DGKH: variants seen among roughly 807,000 people sequenced by gnomAD.
The protein encoded by DGKH is diacylglycerol kinase eta, also known as DAG kinase eta.
Under a neutral mutation model 159.3 loss-of-function variants are expected in DGKH, and 90 were observed. That is an observed-to-expected ratio of 0.57 (90% CI 0.48 to 0.67). The LOEUF (loss-of-function observed/expected upper bound fraction) is 0.67. DGKH is among the 30% of genes least tolerant of loss of function. The pLI is 0.00. For missense variants in DGKH, 1,181 were observed against 1,506.1 expected, an observed-to-expected ratio of 0.78 and a Z score of 3.57; for synonymous variants, 536 against 553.8, an observed-to-expected ratio of 0.97 and a Z score of 0.45.
At chr13:42,227,063 A>C (rs1314044312) in intron 29 of DGKH, among the ~76,000 whole-genome samples, 1 of 152,178 alleles carries the variant, frequency 6.6e-6, no homozygotes, top group Non-Finnish European at 1.5e-5. Flanking sequence ...CAATGAGAAC[A>C]CATAGACACA....
At chr13:42,186,914 G>T (rs1956943928) in intron 13 of DGKH, 135 bp from the exon 14 acceptor site, 2 of 690,402 alleles carry the variant, frequency 2.9e-6, no homozygotes, top group Non-Finnish European at 4.9e-6. Flanking sequence ...ACAGCAGATA[G>T]AAGCATAGAT....
At chr13:42,069,888 C>A in intron 1 of DGKH, 2 of 736,386 alleles carry the variant, frequency 2.7e-6, no homozygotes, top group South Asian at 1.8e-5. Flanking sequence ...GATCTCCATC[C>A]AAATAATTTC....
Position 42,249,427 on chromosome 13 carries a change from CAAACAAAAATACTGATTGT to C in DGKH, n.4055-2963_4055-2945del, listed in dbSNP as rs1279194548. 5.9e-5 allele frequency among the ~76,000 whole-genome samples: 9 copies of C among 152,034 alleles called. No homozygotes were observed. The East Asian group carries it at 1.2e-3, about 20-fold the overall frequency. On this transcript the variant is annotated intron_variant and non_coding_transcript_variant, in intron 29 of 30. Coordinates refer to the DGKH transcript ENST00000498255. ...CTCTGTCTCCAAACAAACAAACAAA[CAAACAAAAATACTGATTGT>C]AAACAAAAATACTGATTGCAACCTA...
intron 1 of DGKH, among the ~76,000 whole-genome samples, chr13:42,103,417 C>T (rs1338875339): frequency 6.6e-6 from 1 of 152,098 alleles, no homozygotes; most frequent in Non-Finnish European, 1.5e-5. Flanking sequence ...TGTTAGGATG[C>T]TGCAGTTAAC....
intron 1 of DGKH, among the ~76,000 whole-genome samples, chr13:42,062,875 C>T (rs926226812): frequency 1.3e-5 from 2 of 151,610 alleles, no homozygotes; most frequent in Non-Finnish European, 2.9e-5. Flanking sequence ...AGTGTAGAAT[C>T]TCAGGTTATC....
chr13:42,164,493 C>A (rs1956266386), intron 7 of DGKH, among the ~76,000 whole-genome samples: 2 of 152,124 alleles, frequency 1.3e-5, no homozygotes, highest in South Asian at 4.1e-4. Flanking sequence ...TTGATAAATA[C>A]AGGTTTAATT....
intron 21 of DGKH, among the ~76,000 whole-genome samples, chr13:42,207,023 CTT>C (rs374791816): frequency 0.015 from 715 of 48,522 alleles, 16 homozygotes; most frequent in African/African-American, 0.024. Flanking sequence ...TTCTTTCTTT[CTT>C]TTTCTTTCTT....
chr13:42,106,085 G>A (rs1184417004), intron 1 of DGKH, among the ~76,000 whole-genome samples: 2 of 151,762 alleles, frequency 1.3e-5, no homozygotes, highest in Non-Finnish European at 2.9e-5. Context: ...TTGGCTCACT[G>A]CAACCTTCGC....
chr13:42,128,194 AAAT>A (rs1955211161), intron 2 of DGKH, among the ~76,000 whole-genome samples: 1 of 152,240 alleles, frequency 6.6e-6, no homozygotes, highest in African/African-American at 2.4e-5. Flanking sequence ...CCATTGAATC[AAAT>A]AATAATAATA....
intron 17 of DGKH, among the ~76,000 whole-genome samples, chr13:42,195,218 C>T (rs142743788): frequency 7.8e-4 from 119 of 152,144 alleles, no homozygotes; most frequent in African/African-American, 2.8e-3. Context: ...ACACTTGTTT[C>T]GGCCAGGTGC....
intron 1 of DGKH, among the ~76,000 whole-genome samples, chr13:42,120,318 C>G (rs1955044433): frequency 6.6e-6 from 1 of 152,132 alleles, no homozygotes; most frequent in African/African-American, 2.4e-5. Context: ...GTAAGCTTTT[C>G]ATTTTTATAA....
chr13:42,219,856 A>G, intron 28 of DGKH, 62 bp downstream of exon 28: 2 of 1,452,340 alleles, frequency 1.4e-6, no homozygotes, highest in African/African-American at 1.4e-5. Context: ...TTAAAGTGAC[A>G]TCATGGAGGT....
intron 1 of DGKH, among the ~76,000 whole-genome samples, chr13:42,079,587 C>T (rs1954162859): frequency 6.6e-6 from 1 of 152,024 alleles, no homozygotes; most frequent in Admixed American, 6.6e-5. Context: ...TTTTTTTGCT[C>T]TTCACCCCCA....
chr13:42,208,889 G>T (rs1957570207), intron 21 of DGKH, 70 bp from the exon 22 acceptor site: 2 of 599,832 alleles, frequency 3.3e-6, no homozygotes, highest in African/African-American at 1.9e-5. Context: ...GATATATATT[G>T]CAGTTTACAT....
intron 24 of DGKH, 94 bp from the exon 25 acceptor site, chr13:42,214,413 T>C: frequency 8.4e-7 from 1 of 1,186,470 alleles, no homozygotes; most frequent in Non-Finnish European, 1.2e-6. Flanking sequence ...TTCATATATT[T>C]TTTACTTGTT....
At chr13:42,248,391 A>T (rs1958596436) in intron 29 of DGKH, among the ~76,000 whole-genome samples, 1 of 151,076 alleles carries the variant, frequency 6.6e-6, no homozygotes, top group Non-Finnish European at 1.5e-5. Context: ...GGGCCACTGC[A>T]CTCCAGCCTG....
intron 16 of DGKH, 135 bp from the exon 17 acceptor site, chr13:42,194,750 A>G (rs75675177): frequency 1.9e-6 from 2 of 1,039,034 alleles, no homozygotes; most frequent in Non-Finnish European, 2.7e-6. Flanking sequence ...AAGAAAATGT[A>G]AACGATAGCT....
intron 29 of DGKH, among the ~76,000 whole-genome samples, chr13:42,252,167 AACAGAATTACCTGTTCTTTGAATGT>A (rs1958625092): frequency 6.6e-6 from 1 of 152,062 alleles, no homozygotes; most frequent in African/African-American, 2.4e-5. Flanking sequence ...TTTGTGTAAG[AACAGAATTACCTGTTCTTTGAATGT>A]ATGGTAGAAT....
At chr13:42,178,046 T>C in intron 12 of DGKH, 89 bp from the exon 13 acceptor site, 1 of 865,198 alleles carries the variant, frequency 1.2e-6, no homozygotes, top group Non-Finnish European at 1.8e-6. Context: ...TAAACATATG[T>C]CATGAAGGGT....
Sources: gnomAD v4.1 joint callset for allele counts (sites outside exome capture counted in the v4.1 genomes callset) on GRCh38, gnomAD v4.1.1 for gene constraint, MANE v1.5 for transcripts, NCBI Gene and HGNC (gene_info 2026-07-23, HGNC 2026-07-21) for gene names.